CPNE8: variants seen among roughly 807,000 people sequenced by gnomAD.
CPNE8 encodes the protein copine 8, also known as copine-8.
CPNE8 carries 45 observed loss-of-function variants against 81.5 expected under a neutral mutation model. That is an observed-to-expected ratio of 0.55 (90% confidence interval 0.44 to 0.71). CPNE8 has a LOEUF of 0.71. Ranked by LOEUF, CPNE8 falls within the 30% of genes least tolerant of loss-of-function variation. CPNE8 has a pLI of 0.00. For synonymous variants in CPNE8, 252 were observed against 226.3 expected, an observed-to-expected ratio of 1.11 and a Z score of -1.02; for missense variants, 594 against 672.1, an observed-to-expected ratio of 0.88 and a Z score of 1.28.
Position 38,762,135 on chromosome 12 carries a change from T to G in CPNE8, c.657A>C (p.Ala219=). The part of the protein sequence containing the change: ...VWQAFKISVR[A]LCNGDYDRTI... ...ACCTGTCATAGTCTCCATTACATAA[T>G]GCTCTGACTGAGATCTTGAATGCTT... Residue 219 remains alanine, a synonymous_variant, in exon 9 of 20, where the codon GCA becomes GCC. Coordinates refer to ENST00000331366, the MANE Select transcript of CPNE8 (RefSeq NM_153634.3). 6.3e-7 allele frequency: 1 copy of G among 1,588,380 alleles called. No homozygotes were observed. The highest frequency in any genetic ancestry group is 2.3e-5 in the East Asian group (1 of 43,912).
chr12:38,655,585 A>G (rs1938799204), intron 19 of CPNE8, among the ~76,000 whole-genome samples: 2 of 152,196 alleles, frequency 1.3e-5, no homozygotes, highest in South Asian at 2.1e-4. Flanking sequence ...ACCATTTTAC[A>G]TTTATTTTGA....
intron 1 of CPNE8, among the ~76,000 whole-genome samples, chr12:38,892,162 G>A (rs1944322416): frequency 6.6e-6 from 1 of 152,152 alleles, no homozygotes; most frequent in Non-Finnish European, 1.5e-5. Context: ...TGTCAACAAG[G>A]GTGGAGAAAG....
intron 3 of CPNE8, among the ~76,000 whole-genome samples, chr12:38,862,997 T>A (rs1943861661): frequency 6.6e-6 from 1 of 151,670 alleles, no homozygotes; most frequent in South Asian, 2.1e-4. Context: ...GAAAAAAAAA[T>A]TAGTTGCAGT....
chr12:38,802,582 C>G (rs1942697894), intron 6 of CPNE8, among the ~76,000 whole-genome samples: 1 of 138,392 alleles, frequency 7.2e-6, no homozygotes, highest in Non-Finnish European at 1.6e-5. Flanking sequence ...GACACCCTAA[C>G]ATCACAATTA....
intron 1 of CPNE8, among the ~76,000 whole-genome samples, chr12:38,876,569 G>T (rs1302930486): frequency 6.6e-6 from 1 of 152,148 alleles, no homozygotes; most frequent in East Asian, 1.9e-4. Flanking sequence ...CTCAGCCATT[G>T]TGATCCATAA....
At chr12:38,773,936 C>G (rs560828209) in intron 7 of CPNE8, among the ~76,000 whole-genome samples, 1 of 151,730 alleles carries the variant, frequency 6.6e-6, no homozygotes, top group Non-Finnish European at 1.5e-5. Flanking sequence ...TGAAGTTACA[C>G]CAAGATTTTA....
chr12:38,691,191 A>T (rs1459549846), intron 15 of CPNE8, among the ~76,000 whole-genome samples: 1 of 152,178 alleles, frequency 6.6e-6, no homozygotes, highest in Non-Finnish European at 1.5e-5. Context: ...GTTTAGCTGT[A>T]GTTAAGAGCA....
intron 7 of CPNE8, among the ~76,000 whole-genome samples, chr12:38,773,273 T>A (rs1165605400): frequency 6.6e-6 from 1 of 152,170 alleles, no homozygotes; most frequent in East Asian, 1.9e-4. Context: ...AATACTGCAC[T>A]GTATATTTAA....
chr12:38,686,932 A>G (rs1432259405), intron 15 of CPNE8, among the ~76,000 whole-genome samples: 2 of 152,208 alleles, frequency 1.3e-5, no homozygotes, highest in Admixed American at 6.5e-5. Flanking sequence ...CATTTTCTAG[A>G]AATGAGTTAC....
At chr12:38,812,553 C>G (rs1246318765) in intron 6 of CPNE8, among the ~76,000 whole-genome samples, 1 of 152,118 alleles carries the variant, frequency 6.6e-6, no homozygotes, top group Non-Finnish European at 1.5e-5. Context: ...CGGTAACCAC[C>G]CCCATGATTC....
At chr12:38,899,194 T>C (rs1347670610) in intron 1 of CPNE8, among the ~76,000 whole-genome samples, 2 of 152,112 alleles carry the variant, frequency 1.3e-5, no homozygotes, top group South Asian at 2.1e-4. Flanking sequence ...CCAAAATTCA[T>C]GTGTTGAAAT....
At chr12:38,790,165 G>T (rs1209338055) in intron 6 of CPNE8, among the ~76,000 whole-genome samples, 1 of 151,690 alleles carries the variant, frequency 6.6e-6, no homozygotes, top group Admixed American at 6.6e-5. Flanking sequence ...CCCCATGTTT[G>T]TTGCAGCACT....
intron 3 of CPNE8, among the ~76,000 whole-genome samples, chr12:38,867,337 TGTGAGA>T (rs1249008904): frequency 1.7e-3 from 237 of 137,232 alleles, no homozygotes; most frequent in African/African-American, 5.4e-3. Context: ...TGTGTGTGTG[TGTGAGA>T]GAGAGAGAGA....
At chr12:38,865,637 G>T (rs891458441) in intron 3 of CPNE8, among the ~76,000 whole-genome samples, 4 of 152,128 alleles carry the variant, frequency 2.6e-5, no homozygotes, top group African/African-American at 9.7e-5. Flanking sequence ...AAAATTCCTG[G>T]ATTTCTAGTA....
intron 13 of CPNE8, among the ~76,000 whole-genome samples, chr12:38,706,055 C>T (rs1940098983): frequency 1.3e-5 from 2 of 152,036 alleles, no homozygotes; most frequent in African/African-American, 2.4e-5. Context: ...GAAATCTATG[C>T]TCACAAAACT....
At chr12:38,792,392 G>A (rs1380522187) in intron 6 of CPNE8, among the ~76,000 whole-genome samples, 1 of 150,700 alleles carries the variant, frequency 6.6e-6, no homozygotes, top group Non-Finnish European at 1.5e-5. Context: ...TCAGATGAAA[G>A]AGGGGACAAT....
intron 14 of CPNE8, among the ~76,000 whole-genome samples, chr12:38,697,428 C>A (rs1939824366): frequency 6.6e-6 from 1 of 152,090 alleles, no homozygotes; most frequent in African/African-American, 2.4e-5. Flanking sequence ...ATTTGGGTTG[C>A]TTCCACATTT....
chr12:38,888,932 T>G (rs1478331122), intron 1 of CPNE8, among the ~76,000 whole-genome samples: 1 of 152,246 alleles, frequency 6.6e-6, no homozygotes, highest in Non-Finnish European at 1.5e-5. Context: ...GCCTTTCTTC[T>G]ACTAACGTTC....
chr12:38,869,815 C>A (rs1255649716), intron 3 of CPNE8, among the ~76,000 whole-genome samples: 1 of 152,058 alleles, frequency 6.6e-6, no homozygotes, highest in Non-Finnish European at 1.5e-5. Context: ...GTTTTCAAAC[C>A]CTTTTTGATC....
Sources: gnomAD v4.1 joint callset for allele counts (sites outside exome capture counted in the v4.1 genomes callset) on GRCh38, gnomAD v4.1.1 for gene constraint, MANE v1.5 for transcripts, NCBI Gene and HGNC (gene_info 2026-07-23, HGNC 2026-07-21) for gene names.